DNAJC15: variants seen among roughly 807,000 people sequenced by gnomAD.
DNAJC15 encodes the protein DnaJ heat shock protein family (Hsp40) member C15.
A neutral mutation model predicts 22.4 loss-of-function variants in DNAJC15; 27 were observed. The observed-to-expected ratio is 1.20, with a 90% CI of 0.89 to 1.66. The LOEUF (loss-of-function observed/expected upper bound fraction) is 1.66. Among genes scored for constraint, DNAJC15 ranks in the 40% most tolerant of loss-of-function variants. The pLI, the probability that DNAJC15 is intolerant of heterozygous loss-of-function variation, is 0.00. For missense variants in DNAJC15, 208 were observed against 187.1 expected, an observed-to-expected ratio of 1.11 and a Z score of -0.65; for synonymous variants, 79 against 63.2, an observed-to-expected ratio of 1.25 and a Z score of -1.19.
chr13:43,032,549 T>C (rs544048583), intron 1 of DNAJC15, among the ~76,000 whole-genome samples: 1 of 152,318 alleles, frequency 6.6e-6, no homozygotes, highest in African/African-American at 2.4e-5. Context: ...TGTTGCCAAG[T>C]GTGGTGGCTC....
intron 1 of DNAJC15, among the ~76,000 whole-genome samples, chr13:43,034,878 C>T (rs1262104686): frequency 6.6e-6 from 1 of 152,052 alleles, no homozygotes; most frequent in Admixed American, 6.5e-5. Context: ...CTGCCCCAGT[C>T]CCAAAATCAG....
intron 1 of DNAJC15, among the ~76,000 whole-genome samples, chr13:43,053,741 T>G (rs1345346955): frequency 6.6e-6 from 1 of 152,264 alleles, no homozygotes; most frequent in Non-Finnish European, 1.5e-5. Context: ...ATAGCAGAGC[T>G]ACTGATTTGT....
chr13:43,082,049 C>T (rs780990305), intron 4 of DNAJC15, among the ~76,000 whole-genome samples: 1 of 152,050 alleles, frequency 6.6e-6, no homozygotes, highest in South Asian at 2.1e-4. Flanking sequence ...AAACCCGCCC[C>T]CATCATTCAG....
rs1239839288 is a variant in DNAJC15, at chr13:43,113,317, C to A, written c.*6069C>A. The A allele has an allele frequency of 6.6e-6, 1 of 152,186 alleles. No individual in the cohort carries two copies. 9.4% of individuals were successfully genotyped at this position (152,186 alleles called of 1,614,324 possible). A position where few individuals can be genotyped will look rare whatever the true frequency, so the allele number is the denominator to read the frequency against. ...CAGCAATTGAAAGGGAATTTCAGTA[C>A]TTTTATAGAATTCTTAAAAATTGTT... On this transcript the variant is annotated 3_prime_UTR_variant, in exon 6 of 6. Transcript: ENST00000379221.
At chr13:43,070,954 G>C (rs2040606148) in intron 3 of DNAJC15, among the ~76,000 whole-genome samples, 1 of 152,118 alleles carries the variant, frequency 6.6e-6, no homozygotes, top group Non-Finnish European at 1.5e-5. Flanking sequence ...GCTTGAAATA[G>C]AGTAGTAGCA....
chr13:43,023,990 C>T (rs2040365741), intron 1 of DNAJC15, among the ~76,000 whole-genome samples: 1 of 152,168 alleles, frequency 6.6e-6, no homozygotes, highest in African/African-American at 2.4e-5. Flanking sequence ...AGAAAACAGG[C>T]AATTGCAAAT....
rs537742572 is a variant in DNAJC15, at chr13:43,046,847, T to C, written c.109-18839T>C. On this transcript the variant is annotated intron_variant, in intron 1 of 5. Coordinates refer to ENST00000379221, the MANE Select transcript of DNAJC15 (RefSeq NM_013238.3). ...TTACACCCCTCTGGATCCAGCAGGG[T>C]GTCCACTGCGTTTCTGATCCAGTGA... Among the ~76,000 whole-genome samples, 6 of 152,296 alleles carry C rather than the reference T, an allele frequency of 3.9e-5. No homozygotes were observed. In the South Asian group the frequency reaches 1.2e-3, roughly 32 times the overall value.
intron 5 of DNAJC15, among the ~76,000 whole-genome samples, chr13:43,089,220 T>C (rs2040703084): frequency 6.6e-6 from 1 of 152,226 alleles, no homozygotes; most frequent in Admixed American, 6.5e-5. Flanking sequence ...CTGACACTAA[T>C]CTTCCATTTA....
Position 43,110,751 on chromosome 13 carries a change from A to G in DNAJC15, c.*3503A>G, listed in dbSNP as rs1381466963. The G allele has an allele frequency of 6.6e-6, 1 of 152,040 alleles. No homozygotes were observed. The highest frequency in any genetic ancestry group is 1.5e-5 in the Non-Finnish European group (1 of 67,988). The allele number at this position is 152,040 out of a possible 1,614,324, so 9.4% of individuals were successfully genotyped here. A position where few individuals can be genotyped will look rare whatever the true frequency, so the allele number is the denominator to read the frequency against. On this transcript the variant is annotated 3_prime_UTR_variant, in exon 6 of 6. Coordinates refer to ENST00000379221, the MANE Select transcript of DNAJC15 (RefSeq NM_013238.3). Reference sequence around the variant, plus strand: ...AGCAAGGATCATATCAGTCTTGTTTATTGTTGCAGTGAACAAGTACAGTTG... The same window carrying G: ...AGCAAGGATCATATCAGTCTTGTTTGTTGTTGCAGTGAACAAGTACAGTTG...
intron 1 of DNAJC15, among the ~76,000 whole-genome samples, chr13:43,024,206 G>A (rs12857072): frequency 6.6e-6 from 1 of 151,866 alleles, no homozygotes; most frequent in South Asian, 2.1e-4. Flanking sequence ...CAAAGTCTCC[G>A]GCACAGAAAC....
At chr13:43,030,929 CTTA>C (rs1407821936) in intron 1 of DNAJC15, among the ~76,000 whole-genome samples, 1 of 152,130 alleles carries the variant, frequency 6.6e-6, no homozygotes, top group Admixed American at 6.5e-5. Flanking sequence ...GCCATTGTTT[CTTA>C]TTTGGGAAAT....
intron 5 of DNAJC15, among the ~76,000 whole-genome samples, chr13:43,103,950 T>G (rs1250940191): frequency 6.6e-6 from 1 of 152,226 alleles, no homozygotes; most frequent in Non-Finnish European, 1.5e-5. Flanking sequence ...TATAACAATG[T>G]CAGCGTTATT....
chr13:43,033,919 T>G, intron 1 of DNAJC15, among the ~76,000 whole-genome samples: 1 of 151,616 alleles, frequency 6.6e-6, no homozygotes, highest in South Asian at 2.1e-4. Context: ...TCCCAGCTAC[T>G]TGGGAGGCTG....
intron 1 of DNAJC15, among the ~76,000 whole-genome samples, chr13:43,041,678 A>G (rs541941421): frequency 1.3e-5 from 2 of 152,288 alleles, no homozygotes; most frequent in East Asian, 1.9e-4. Flanking sequence ...CCTTGACCCT[A>G]TGCTTCAGTT....
At chr13:43,099,614 A>T (rs2040757386) in intron 5 of DNAJC15, among the ~76,000 whole-genome samples, 1 of 152,010 alleles carries the variant, frequency 6.6e-6, no homozygotes, top group African/African-American at 2.4e-5. Flanking sequence ...ATCTTGTCAA[A>T]TGCTTTTTCT....
At chr13:43,053,635 A>G (rs936140348) in intron 1 of DNAJC15, among the ~76,000 whole-genome samples, 1 of 151,480 alleles carries the variant, frequency 6.6e-6, no homozygotes. Flanking sequence ...ATGGTTAGGT[A>G]TATTCCTTTG....
chr13:43,098,291 G>A (rs746853987), intron 5 of DNAJC15, among the ~76,000 whole-genome samples: 3 of 152,214 alleles, frequency 2.0e-5, no homozygotes, highest in Admixed American at 6.5e-5. Context: ...CTTTCTGGAA[G>A]TTGGTAGAAC....
intron 3 of DNAJC15, 80 bp downstream of exon 3, chr13:43,069,083 T>C: frequency 7.4e-7 from 1 of 1,344,928 alleles, no homozygotes; most frequent in Non-Finnish European, 1.0e-6. Flanking sequence ...TTAGAAAATG[T>C]CTTGGATTTT....
At chr13:43,077,865 C>T (rs1337051043) in intron 3 of DNAJC15, among the ~76,000 whole-genome samples, 1 of 152,210 alleles carries the variant, frequency 6.6e-6, no homozygotes, top group Admixed American at 6.5e-5. Context: ...TTATCACCTC[C>T]TCTGCTACCG....
Sources: allele counts gnomAD v4.1 joint callset (sites outside exome capture counted in the v4.1 genomes callset), GRCh38; gene constraint gnomAD v4.1.1; transcripts MANE v1.5; gene names NCBI Gene and HGNC (gene_info 2026-07-23, HGNC 2026-07-21).